PDE1C: variants seen among roughly 807,000 people sequenced by gnomAD.
PDE1C encodes phosphodiesterase 1C, also known as dual specificity calcium/calmodulin-dependent 3',5'-cyclic nucleotide phosphodiesterase 1C.
Under a neutral mutation model 93.1 loss-of-function variants are expected in PDE1C, and 62 were observed. The ratio of observed to expected loss-of-function variants is 0.67; its 90% CI spans 0.54 to 0.82. The LOEUF (loss-of-function observed/expected upper bound fraction) is 0.82, where lower values mean the gene tolerates loss of function less well. Ranked by LOEUF, PDE1C falls within the 40% of genes least tolerant of loss-of-function variation. The pLI is 0.00. For missense variants in PDE1C, 742 were observed against 884.6 expected (o/e 0.84, Z 2.04); for synonymous variants, 325 against 310.1 (o/e 1.05, Z -0.50).
At chr7:32,378,832 G>A (rs955493955) in intron 1 of PDE1C, among the ~76,000 whole-genome samples, 1 of 152,140 alleles carries the variant, frequency 6.6e-6, no homozygotes, top group African/African-American at 2.4e-5. Flanking sequence ...TGCACTTTCA[G>A]CAAGATTGAT....
At chr7:31,640,016 G>A in the PDE1C span, among the ~76,000 whole-genome samples, 1 of 152,102 alleles carries the variant, frequency 6.6e-6, no homozygotes, top group African/African-American at 2.4e-5. Context: ...CATATAGGTG[G>A]TAGATAGTAC....
chr7:31,875,733 T>C (rs1048671032), intron 5 of PDE1C, among the ~76,000 whole-genome samples: 4 of 142,386 alleles, frequency 2.8e-5, no homozygotes, highest in African/African-American at 1.1e-4. Context: ...CACAGCTACA[T>C]TTCCATTAGG....
intron 16 of PDE1C, chr7:31,789,706 C>T (rs1784370265): frequency 1.0e-6 from 1 of 985,426 alleles, no homozygotes. Flanking sequence ...AACAAATGTT[C>T]CTGACTCAGG....
At chr7:31,829,757 T>C (rs1209384887) in intron 11 of PDE1C, among the ~76,000 whole-genome samples, 2 of 152,152 alleles carry the variant, frequency 1.3e-5, no homozygotes, top group Non-Finnish European at 2.9e-5. Context: ...TACGCACTAC[T>C]GAAAACTGCT....
chr7:31,661,052 T>G, the PDE1C span, among the ~76,000 whole-genome samples: 1 of 151,966 alleles, frequency 6.6e-6, no homozygotes, highest in South Asian at 2.1e-4. Flanking sequence ...GGGGTAGAGA[T>G]AAGCTCGAGA....
the PDE1C span, among the ~76,000 whole-genome samples, chr7:31,735,828 C>T: frequency 1.1e-4 from 16 of 152,270 alleles, no homozygotes; most frequent in South Asian, 3.3e-3. Context: ...ACGGTCATCC[C>T]TCCGTATCTG....
chr7:32,132,496 CA>C (rs34749625), intron 3 of PDE1C, among the ~76,000 whole-genome samples: 1 of 151,138 alleles, frequency 6.6e-6, no homozygotes, highest in East Asian at 1.9e-4. Flanking sequence ...CCCATATCTA[CA>C]AAAAAATAGA....
chr7:31,636,997 A>G, the PDE1C span, among the ~76,000 whole-genome samples: 2 of 149,164 alleles, frequency 1.3e-5, no homozygotes, highest in African/African-American at 5.0e-5. Flanking sequence ...TTGGTTTTTC[A>G]TCCTTGCGAT....
chr7:32,246,551 C>CT (rs1461981870), intron 1 of PDE1C, among the ~76,000 whole-genome samples: 1 of 152,142 alleles, frequency 6.6e-6, no homozygotes, highest in Non-Finnish European at 1.5e-5. Flanking sequence ...AGAAGAAGCA[C>CT]TTAGCAAAAG....
At chr7:32,156,897 G>T (rs931864190) in intron 3 of PDE1C, among the ~76,000 whole-genome samples, 5 of 152,148 alleles carry the variant, frequency 3.3e-5, no homozygotes, top group Non-Finnish European at 5.9e-5. Flanking sequence ...TGTGACAAAG[G>T]TACCCTGACA....
intron 1 of PDE1C, among the ~76,000 whole-genome samples, chr7:32,362,393 G>C (rs1268222640): frequency 6.6e-6 from 1 of 152,078 alleles, no homozygotes; most frequent in East Asian, 1.9e-4. Context: ...TCTCTGAGTA[G>C]GTCACATCTC....
the PDE1C span, among the ~76,000 whole-genome samples, chr7:31,650,101 C>T: frequency 6.6e-6 from 1 of 152,132 alleles, no homozygotes; most frequent in Non-Finnish European, 1.5e-5. Flanking sequence ...GGGACAGAGG[C>T]CCAAACCTTC....
intron 2 of PDE1C, among the ~76,000 whole-genome samples, chr7:32,180,056 T>G (rs1419283206): frequency 6.6e-6 from 1 of 152,132 alleles, no homozygotes; most frequent in Non-Finnish European, 1.5e-5. Flanking sequence ...GAATTAGGAA[T>G]GAATGGAGTA....
chr7:32,025,906 C>T (rs754023492), intron 2 of PDE1C, among the ~76,000 whole-genome samples: 9 of 152,146 alleles, frequency 5.9e-5, no homozygotes, highest in Non-Finnish European at 8.8e-5. Flanking sequence ...AGGCCAACCA[C>T]GTGCTGGCAG....
intron 2 of PDE1C, among the ~76,000 whole-genome samples, chr7:31,952,582 A>T (rs547499297): frequency 6.6e-6 from 1 of 152,110 alleles, no homozygotes; most frequent in Non-Finnish European, 1.5e-5. Context: ...ACGTTACTCT[A>T]TGAGGAGGAA....
chr7:31,652,147 A>C, the PDE1C span: 1 of 945,808 alleles, frequency 1.1e-6, no homozygotes, highest in Non-Finnish European at 1.6e-6. Flanking sequence ...TTCAGAATCT[A>C]GGTTTACATG....
chr7:31,693,920 C>T, the PDE1C span, among the ~76,000 whole-genome samples: 1 of 152,244 alleles, frequency 6.6e-6, no homozygotes, highest in Non-Finnish European at 1.5e-5. Flanking sequence ...TAGATCTAGC[C>T]AAACTATATC....
chr7:31,668,272 G>A, the PDE1C span, among the ~76,000 whole-genome samples: 1 of 152,188 alleles, frequency 6.6e-6, no homozygotes, highest in South Asian at 2.1e-4. Context: ...TTTGTCAGTT[G>A]CTCAAGATGC....
chr7:32,162,592 C>T (rs1801987448), intron 3 of PDE1C, among the ~76,000 whole-genome samples: 1 of 152,078 alleles, frequency 6.6e-6, no homozygotes, highest in Non-Finnish European at 1.5e-5. Context: ...TTCAGCAAGG[C>T]CGTTAGTGAG....
Sources: gnomAD v4.1 joint callset for allele counts (sites outside exome capture counted in the v4.1 genomes callset) on GRCh38, gnomAD v4.1.1 for gene constraint, MANE v1.5 for transcripts, NCBI Gene and HGNC (gene_info 2026-07-23, HGNC 2026-07-21) for gene names.